KRT25: variants seen among roughly 807,000 people sequenced by gnomAD.
KRT25 encodes keratin, type I cytoskeletal 25.
In KRT25, 37 loss-of-function variants were observed where a neutral mutation model predicts 47.6. The observed-to-expected ratio is 0.78, with a 90% confidence interval of 0.60 to 1.02. The LOEUF (loss-of-function observed/expected upper bound fraction) is 1.02, where lower values mean the gene tolerates loss of function less well. Among genes scored for constraint, KRT25 ranks in the 50% least tolerant of loss-of-function variants. KRT25 has a pLI of 0.00. For missense variants in KRT25, 542 were observed against 550.3 expected (o/e 0.98, Z 0.15); for synonymous variants, 203 against 210.2 (o/e 0.97, Z 0.30).
rs763795988 is a variant in KRT25, at chr17:40,755,124, C to G, written c.148G>C (p.Gly50Arg). 8 of 1,614,024 alleles carry G rather than the reference C, an allele frequency of 5.0e-6. No homozygotes were observed. In the Admixed American group the frequency reaches 5.0e-5, roughly 10 times the overall value. Residue 50 changes from glycine to arginine, a missense_variant, in exon 1 of 8, where the codon GGA (glycine) becomes CGA (arginine). Gly to Arg is a moderately radical substitution (Grantham distance 125). Transcript: ENST00000312150. ...GTGTTTCCTCCCGATGAGCTGCCTC[C>G]GAAGGCACTAGAGAAGCCACTTCCA... ...GIGSGFSSAF[G>R]GSSSGGNTGG... is the part of the protein sequence containing the mutation.
intron 3 of KRT25, among the ~76,000 whole-genome samples, chr17:40,751,883 CGTGTGTGT>C (rs71152701): frequency 0.012 from 1,740 of 148,776 alleles, 16 homozygotes; most frequent in Non-Finnish European, 0.019. Flanking sequence ...TGTGTGCGTG[CGTGTGTGT>C]GTGTGTGTGT....
chr17:40,751,132 A>G (rs751192169), intron 4 of KRT25, 33 bp downstream of exon 4: 1 of 1,614,150 alleles, frequency 6.2e-7, no homozygotes, highest in Non-Finnish European at 8.5e-7. Flanking sequence ...TACCAGTAAC[A>G]TGCAAAGGGA....
chr17:40,748,446 C>A (rs763749392), intron 7 of KRT25, 60 bp from the exon 8 acceptor site: 7 of 1,083,122 alleles, frequency 6.5e-6, no homozygotes, highest in South Asian at 1.5e-5. Flanking sequence ...AAAATTATAT[C>A]ATTTAAAGGA....
chr17:40,755,262 G>A lies in KRT25; in HGVS notation c.10C>T (p.Arg4Ter), dbSNP rs528755553. ...GACCTCCTGGATGCACTGGAAAGTC[G>A]AAGAGACATGGTATCAGGGCAAACG... MSL[R>*]LSSASRRSCP... is the part of the protein sequence containing the mutation. Residue 4 changes from arginine to a stop codon, truncating the protein, a stop_gained, in exon 1 of 8, where the codon CGA (arginine) becomes TGA (stop). Coordinates refer to ENST00000312150, the MANE Select transcript of KRT25 (RefSeq NM_181534.4). LOFTEE classifies it high-confidence loss of function. 19 of 1,613,184 alleles carry A rather than the reference G, an allele frequency of 1.2e-5. No individual in the cohort carries two copies. Among genetic ancestry groups the A allele is most frequent in the African/African-American group, 2.7e-5 (2 of 75,030 alleles).
rs374438831 is a variant in KRT25, at chr17:40,755,096, C to G, written c.176G>C (p.Gly59Ala). The stretch of plus-strand genomic sequence containing the variant: ...GAAGCCAGCACAGGGATTACCTCCC[C>G]CTGTGTTTCCTCCCGATGAGCTGCC... Reference protein sequence around the residue: ...FGGSSSGGNTGGGNPCAGFTV... With the variant: ...FGGSSSGGNTAGGNPCAGFTV... The change falls in exon 1 of 8, where the codon GGG (glycine) becomes GCG (alanine). Residue 59 changes from glycine (G) to alanine (A), a missense_variant. Physicochemically the swap from Gly to Ala is moderately conservative, Grantham distance 60 (BLOSUM62 0). Coordinates refer to ENST00000312150, the MANE Select transcript of KRT25 (RefSeq NM_181534.4). 33 of 1,614,022 alleles carry G rather than the reference C, an allele frequency of 2.0e-5. No individual in the cohort carries two copies. In the Admixed American group the frequency reaches 2.8e-4, roughly 14 times the overall value.
chr17:40,754,253 G>T, intron 2 of KRT25, 133 bp downstream of exon 2: 1 of 816,520 alleles, frequency 1.2e-6, no homozygotes. Flanking sequence ...AATAGTCAAA[G>T]CATAAAAAAG....
intron 4 of KRT25, 22 bp downstream of exon 4, chr17:40,751,143 C>T (rs368003520): frequency 4.1e-5 from 66 of 1,613,882 alleles, no homozygotes; most frequent in Non-Finnish European, 4.5e-5. Flanking sequence ...TGCAAAGGGA[C>T]CGTTTTCTGG....
upstream of KRT25, chr17:40,755,346 G>T: frequency 6.9e-7 from 1 of 1,441,316 alleles, no homozygotes; most frequent in Non-Finnish European, 9.4e-7. Context: ...TAAAAGGTTT[G>T]GTTTGCCTTT....
At position 40,750,473 on chromosome 17, in the gene KRT25, C is replaced by T; in HGVS notation, c.1082G>A (p.Gly361Asp). The T allele has an allele frequency of 3.7e-6, 6 of 1,614,048 alleles. No homozygotes were observed. The highest frequency in any genetic ancestry group is 4.2e-6 in the Non-Finnish European group (5 of 1,179,936). The change falls in exon 6 of 8, where the codon GGC (glycine) becomes GAC (aspartate). Residue 361 changes from glycine (G) to aspartate (D), a missense_variant. Gly to Asp is a moderately conservative substitution (Grantham distance 94, BLOSUM62 -1). Transcript: ENST00000312150. ...GAGCTGCTCATACTCCAGCTTCTGG[C>T]CCTCGGTCTCGGTTCTGACCTGGTG... is the stretch of plus-strand genomic sequence containing the variant. ...QLHQVRTETE[G>D]QKLEYEQLLD...
In KRT25 at chr17:40,754,380, A is replaced by C; in HGVS notation, c.512+6T>G. ...TGAATTCATTTCACTCTGGCAGTCT[A>C]CTTACTTGAGTCTGAAATCATCAGC... On this transcript the variant is annotated splice_donor_region_variant and intron_variant, in intron 2 of 7. Transcript: ENST00000312150. The C allele has an allele frequency of 6.2e-7, 1 of 1,609,802 alleles. No homozygotes were observed. Among genetic ancestry groups the C allele is most frequent in the East Asian group, 2.2e-5 (1 of 44,848 alleles).
chr17:40,750,547 C>T lies in KRT25; in HGVS notation c.1008G>A (p.Ala336=), dbSNP rs1459792230. 5 of 1,614,112 alleles carry T rather than the reference C, an allele frequency of 3.1e-6. No homozygotes were observed. The highest frequency in any genetic ancestry group is 2.7e-5 in the African/African-American group (2 of 74,950). The change falls in exon 6 of 8, where the codon GCG becomes GCA. Residue 336 remains alanine (A), a synonymous_variant. Transcript: ENST00000312150. ...SLTETESNYC[A]QLAQIQAQIG... is the part of the protein sequence containing the mutation. The stretch of plus-strand genomic sequence containing the variant: ...TCTGAGCCTGGATCTGCGCCAGCTG[C>T]GCACAGTAGTTGCTCTCGGTCTCTG...
chr17:40,753,683 CAAAAAAAAAAAAAAAAAAAAAAAAAA>C (rs60610884), intron 3 of KRT25, among the ~76,000 whole-genome samples, 151 bp downstream of exon 3: 3 of 30,466 alleles, frequency 9.8e-5, no homozygotes, highest in Non-Finnish European at 2.0e-4. Flanking sequence ...GACTCCGTCT[CAAAAAAAAAAAAAAAAAAAAAAAAAA>C]AAAAAAAAAA....
At chr17:40,752,622 ATATATCTATATC>A (rs566539973) in intron 3 of KRT25, among the ~76,000 whole-genome samples, 6 of 152,212 alleles carry the variant, frequency 3.9e-5, no homozygotes, top group African/African-American at 1.4e-4. Flanking sequence ...ATCTATATCT[ATATATCTATATC>A]TATATCTATA....
Position 40,748,257 on chromosome 17 carries a change from G to A in KRT25, c.*20C>T, listed in dbSNP as rs373082769. 19 of 1,521,218 alleles carry A rather than the reference G, an allele frequency of 1.2e-5. No homozygotes were observed. Among genetic ancestry groups the A allele is most frequent in the Middle Eastern group, 1.7e-4 (1 of 5,920 alleles). The allele number at this position is 1,521,218 out of a possible 1,614,324, so 94.2% of individuals were successfully genotyped here. On this transcript the variant is annotated 3_prime_UTR_variant, in exon 8 of 8. Coordinates refer to ENST00000312150, the MANE Select transcript of KRT25 (RefSeq NM_181534.4). ...TCTTCGCAGGGGCTATGTGGCATAC[G>A]TTCTCTGTTGCATCTCAAATTAATT...
chr17:40,750,731 C>T, intron 5 of KRT25, 134 bp from the exon 6 acceptor site: 3 of 1,337,692 alleles, frequency 2.2e-6, no homozygotes, highest in Non-Finnish European at 3.1e-6. Context: ...AGTTAAGACT[C>T]TGTGATACTG....
intron 6 of KRT25, 95 bp downstream of exon 6, chr17:40,750,285 C>A: frequency 8.1e-7 from 1 of 1,239,346 alleles, no homozygotes; most frequent in South Asian, 1.3e-5. Flanking sequence ...TAAATGCATG[C>A]AGCCAAATTA....
intron 6 of KRT25, 59 bp downstream of exon 6, chr17:40,750,320 GA>G: frequency 6.5e-7 from 1 of 1,543,168 alleles, no homozygotes; most frequent in Non-Finnish European, 8.9e-7. Context: ...TGGAAAGTGG[GA>G]TCTAAGTTGC....
intron 7 of KRT25, among the ~76,000 whole-genome samples, chr17:40,749,051 G>A (rs150407872): frequency 6.6e-6 from 1 of 152,254 alleles, no homozygotes; most frequent in Non-Finnish European, 1.5e-5. Context: ...GGTTCTACTT[G>A]AGGGGGAAGG....
In KRT25 at chr17:40,749,591, A is replaced by G. The variant is rs147422964; in HGVS notation, c.1176-266T>C. Among the ~76,000 whole-genome samples, 13 of 152,344 alleles carry G rather than the reference A, an allele frequency of 8.5e-5. No homozygotes were observed. In the East Asian group the frequency reaches 2.1e-3, roughly 25 times the overall value. ...ATGGTAACAGCAGTTCTAGCATGCC[A>G]CTGGGTGTATTTATACAACTTAGGT... On this transcript the variant is annotated intron_variant, in intron 6 of 7. Transcript: ENST00000312150.
Sources: gnomAD v4.1 joint callset for allele counts (sites outside exome capture counted in the v4.1 genomes callset) on GRCh38, gnomAD v4.1.1 for gene constraint, MANE v1.5 for transcripts, NCBI Gene and HGNC (gene_info 2026-07-23, HGNC 2026-07-21) for gene names.